The following DUSP14 variants were observed in gnomAD, a reference collection of about 807,000 sequenced individuals.
The protein encoded by DUSP14 is dual specificity phosphatase 14.
DUSP14 carries 5 observed loss-of-function variants against 13.2 expected under a neutral mutation model. The observed-to-expected ratio is 0.38, with a 90% CI of 0.20 to 0.80. The LOEUF (loss-of-function observed/expected upper bound fraction) is 0.80. Ranked by LOEUF, DUSP14 falls within the 30% of genes least tolerant of loss-of-function variation. The pLI is 0.44. For missense variants in DUSP14, 185 were observed against 264.0 expected (o/e 0.70, Z 2.07); for synonymous variants, 91 against 103.4 (o/e 0.88, Z 0.73).
chr17:37,496,058 C>A (rs1426347133), intron 1 of DUSP14, among the ~76,000 whole-genome samples: 1 of 152,152 alleles, frequency 6.6e-6, no homozygotes, highest in Non-Finnish European at 1.5e-5. Flanking sequence ...AAGAATTTTG[C>A]CAATTTAGCT....
At chr17:37,508,508 T>G (rs918892897) in intron 1 of DUSP14, among the ~76,000 whole-genome samples, 1 of 151,818 alleles carries the variant, frequency 6.6e-6, no homozygotes, top group Non-Finnish European at 1.5e-5. Context: ...CCAAGGTGGG[T>G]GGATCACTTG....
upstream of DUSP14, chr17:37,489,864 G>A (rs1170143270): frequency 1.4e-5 from 2 of 147,804 alleles, no homozygotes; most frequent in South Asian, 2.1e-4. Flanking sequence ...GGAGGGAGGA[G>A]GAGGCGGCGC....
chr17:37,497,432 C>CG (rs902512156), intron 1 of DUSP14, among the ~76,000 whole-genome samples: 12 of 152,240 alleles, frequency 7.9e-5, no homozygotes, highest in African/African-American at 2.6e-4. Flanking sequence ...TGCGCTACCG[C>CG]GCCCTGCCTT....
intron 2 of DUSP14, among the ~76,000 whole-genome samples, chr17:37,511,207 C>G (rs1380074054): frequency 1.3e-5 from 2 of 152,086 alleles, no homozygotes; most frequent in Admixed American, 6.6e-5. Flanking sequence ...CCATGGCCTT[C>G]AAATTGCCTG....
upstream of DUSP14, among the ~76,000 whole-genome samples, chr17:37,489,125 G>A (rs1296239753): frequency 4.6e-5 from 7 of 152,264 alleles, no homozygotes; most frequent in East Asian, 7.7e-4. Flanking sequence ...TGTTACAGAT[G>A]GGCAGACCTG....
chr17:37,498,022 G>C (rs1418158431), intron 1 of DUSP14, among the ~76,000 whole-genome samples: 1 of 151,156 alleles, frequency 6.6e-6, no homozygotes, highest in Non-Finnish European at 1.5e-5. Flanking sequence ...CTCCAGCCTG[G>C]GTGACAGAGC....
chr17:37,495,894 G>C (rs1310715105), intron 1 of DUSP14, among the ~76,000 whole-genome samples: 1 of 152,052 alleles, frequency 6.6e-6, no homozygotes, highest in Non-Finnish European at 1.5e-5. Flanking sequence ...TCATGACCTC[G>C]TGATCCACCT....
upstream of DUSP14, among the ~76,000 whole-genome samples, chr17:37,489,374 G>T (rs2054009263): frequency 6.6e-6 from 1 of 152,134 alleles, no homozygotes; most frequent in South Asian, 2.1e-4. Context: ...CGTCAGCCAG[G>T]AACTGCCGCG....
At chr17:37,511,344 G>A (rs112438101) in intron 2 of DUSP14, among the ~76,000 whole-genome samples, 47 of 152,186 alleles carry the variant, frequency 3.1e-4, no homozygotes, top group African/African-American at 8.9e-4. Flanking sequence ...ATAGTGGCAC[G>A]ATCTCAGCTA....
intron 1 of DUSP14, among the ~76,000 whole-genome samples, chr17:37,496,523 A>G (rs923143450): frequency 6.6e-6 from 1 of 152,146 alleles, no homozygotes; most frequent in African/African-American, 2.4e-5. Flanking sequence ...TGGGAGGCTG[A>G]GGCGGGTGGA....
At chr17:37,498,707 C>T (rs12936188) in intron 1 of DUSP14, among the ~76,000 whole-genome samples, 40,067 of 149,736 alleles carry the variant, frequency 0.27, 5,527 homozygotes, top group Admixed American at 0.41. Flanking sequence ...ATTACACTTA[C>T]GGAGTTTCTT....
At chr17:37,495,050 G>A (rs1189670369) in intron 1 of DUSP14, among the ~76,000 whole-genome samples, 5 of 152,220 alleles carry the variant, frequency 3.3e-5, no homozygotes, top group Non-Finnish European at 4.4e-5. Context: ...AAAGGAGGAG[G>A]AGTAAGAAGT....
chr17:37,502,296 C>T (rs924951474), intron 1 of DUSP14, among the ~76,000 whole-genome samples: 1 of 152,012 alleles, frequency 6.6e-6, no homozygotes, highest in African/African-American at 2.4e-5. Flanking sequence ...ATCCTTCTGC[C>T]TCTGCCTGCC....
intron 1 of DUSP14, among the ~76,000 whole-genome samples, chr17:37,503,900 C>A (rs1441039526): frequency 6.6e-6 from 1 of 152,094 alleles, no homozygotes; most frequent in African/African-American, 2.4e-5. Flanking sequence ...TAGTATCTTA[C>A]AGTGATGGGG....
intron 1 of DUSP14, among the ~76,000 whole-genome samples, chr17:37,495,585 C>T (rs140363557): frequency 3.2e-4 from 49 of 152,212 alleles, no homozygotes; most frequent in African/African-American, 1.1e-3. Context: ...TGGCAGAGAG[C>T]GCCTTCAAAG....
intron 1 of DUSP14, among the ~76,000 whole-genome samples, chr17:37,491,784 A>G (rs745483733): frequency 3.9e-5 from 6 of 152,120 alleles, no homozygotes; most frequent in Non-Finnish European, 7.4e-5. Flanking sequence ...TTCCTTTGCA[A>G]TTGGGATTTT....
At chr17:37,511,767 A>G (rs28630764) in intron 2 of DUSP14, among the ~76,000 whole-genome samples, 1 of 146,408 alleles carries the variant, frequency 6.8e-6, no homozygotes, top group Non-Finnish European at 1.5e-5. Context: ...AAAAAAAAAT[A>G]AAAAATAAAA....
At chr17:37,492,762 C>G (rs1369126560) in intron 1 of DUSP14, among the ~76,000 whole-genome samples, 4 of 152,090 alleles carry the variant, frequency 2.6e-5, no homozygotes, top group Non-Finnish European at 5.9e-5. Flanking sequence ...TTAACGAAAA[C>G]ATAAGTGTAA....
rs1315485762 is a variant in DUSP14, at chr17:37,509,117, A to ATGTG, written c.-180-1559_-180-1558insGTGT. On this transcript the variant is annotated intron_variant, in intron 1 of 2. Coordinates refer to ENST00000617516, the MANE Select transcript of DUSP14 (RefSeq NM_007026.4). ...AAAAAAAAAACCCATATATATATAT[A>ATGTG]TATATATATATACACACACACACAC... is the stretch of plus-strand genomic sequence containing the variant. Among the ~76,000 whole-genome samples, 20 of 40,798 alleles carry ATGTG rather than the reference A, an allele frequency of 4.9e-4. 4 individuals carry two copies. The East Asian group carries it at 9.4e-3, about 19-fold the overall frequency. 26.8% of individuals were successfully genotyped at this position (40,798 alleles called of 152,430 possible).
Sources: allele counts gnomAD v4.1 joint callset (sites outside exome capture counted in the v4.1 genomes callset), GRCh38; gene constraint gnomAD v4.1.1; transcripts MANE v1.5; gene names NCBI Gene and HGNC (gene_info 2026-07-23, HGNC 2026-07-21).